MAGI2: variants seen among roughly 807,000 people sequenced by gnomAD.
MAGI2 encodes the protein membrane-associated guanylate kinase, WW and PDZ domain-containing protein 2.
A neutral mutation model predicts 133.3 loss-of-function variants in MAGI2; 35 were observed. The observed-to-expected ratio is 0.26, with a 90% CI of 0.20 to 0.35. The LOEUF (loss-of-function observed/expected upper bound fraction) is 0.35. Among genes scored for constraint, MAGI2 ranks in the 10% least tolerant of loss-of-function variants. MAGI2 has a pLI of 1.00. For synonymous variants in MAGI2, 729 were observed against 710.6 expected (o/e 1.03, Z -0.41); for missense variants, 1,636 against 1,863.4 (o/e 0.88, Z 2.25).
At chr7:78,875,039 A>G (rs5000370) in intron 2 of MAGI2, among the ~76,000 whole-genome samples, 82,234 of 151,782 alleles carry the variant, frequency 0.54, 24,084 homozygotes, top group Middle Eastern at 0.69. Context: ...GACAGAACAG[A>G]TAGAAATTAG....
intron 1 of MAGI2, among the ~76,000 whole-genome samples, chr7:79,361,615 T>C (rs1244244392): frequency 6.6e-6 from 1 of 152,202 alleles, no homozygotes; most frequent in Non-Finnish European, 1.5e-5. Flanking sequence ...GAGAATACTC[T>C]ATCCAACAAC....
At chr7:78,985,936 A>G (rs1011320530) in intron 2 of MAGI2, among the ~76,000 whole-genome samples, 1 of 152,114 alleles carries the variant, frequency 6.6e-6, no homozygotes, top group Admixed American at 6.6e-5. Context: ...ATATTCCTAT[A>G]GAAGATTCCA....
intron 6 of MAGI2, among the ~76,000 whole-genome samples, chr7:78,439,883 C>T (rs1354234355): frequency 6.6e-6 from 1 of 151,998 alleles, no homozygotes; most frequent in East Asian, 1.9e-4. Context: ...GCTGCTTGGT[C>T]CAGTAATGGG....
intron 1 of MAGI2, among the ~76,000 whole-genome samples, chr7:79,130,024 G>A (rs77307697): frequency 0.041 from 6,184 of 152,096 alleles, 439 homozygotes; most frequent in African/African-American, 0.14. Flanking sequence ...AAATGGGCTA[G>A]GCATGGTGGC....
intron 3 of MAGI2, among the ~76,000 whole-genome samples, chr7:78,547,163 C>T (rs1798915269): frequency 6.6e-6 from 1 of 152,226 alleles, no homozygotes; most frequent in African/African-American, 2.4e-5. Context: ...AAAAACAACA[C>T]CAAACTTCCA....
chr7:79,319,051 AT>A (rs1838970612), intron 1 of MAGI2, among the ~76,000 whole-genome samples: 1 of 152,160 alleles, frequency 6.6e-6, no homozygotes, highest in Non-Finnish European at 1.5e-5. Context: ...TTAAAGCGAG[AT>A]GTGAATCTAT....
intron 1 of MAGI2, among the ~76,000 whole-genome samples, chr7:79,326,034 G>A (rs1331984921): frequency 6.6e-6 from 1 of 152,048 alleles, no homozygotes; most frequent in Non-Finnish European, 1.5e-5. Flanking sequence ...CACCGAATAA[G>A]AAATTACCAA....
At chr7:79,165,305 A>T (rs78288694) in intron 1 of MAGI2, among the ~76,000 whole-genome samples, 1,708 of 151,950 alleles carry the variant, frequency 0.011, 27 homozygotes, top group African/African-American at 0.039. Context: ...TATGTGCTGT[A>T]CTAATAGAGA....
chr7:78,384,857 C>T (rs2012593), intron 6 of MAGI2, among the ~76,000 whole-genome samples: 39,444 of 152,040 alleles, frequency 0.26, 5,752 homozygotes, highest in Non-Finnish European at 0.34. Context: ...CTTAGACCAA[C>T]GGATCAGACT....
chr7:78,053,418 C>T lies in MAGI2; in HGVS notation c.3706+25529G>A, dbSNP rs543106350. 2.7e-4 allele frequency among the ~76,000 whole-genome samples: 41 copies of T among 152,292 alleles called. 1 individual carries two copies. In the South Asian group the frequency reaches 8.3e-3, roughly 31 times the overall value. ...TTCAGCGGGAGGGGCCGTTCTCTGTCCCTCCTTCCCCTCTCCTTGTCAGAT... is the reference window on the plus strand; with the variant it reads ...TTCAGCGGGAGGGGCCGTTCTCTGTTCCTCCTTCCCCTCTCCTTGTCAGAT... On this transcript the variant is annotated intron_variant, in intron 21 of 21. Transcript: ENST00000354212.
chr7:79,448,812 T>G (rs571300901), intron 1 of MAGI2, among the ~76,000 whole-genome samples: 24 of 152,106 alleles, frequency 1.6e-4, no homozygotes, highest in Non-Finnish European at 3.4e-4. Flanking sequence ...ATAATAAACA[T>G]GCCAAAAGAT....
At chr7:78,744,148 T>C (rs562616243) in intron 2 of MAGI2, among the ~76,000 whole-genome samples, 1 of 152,262 alleles carries the variant, frequency 6.6e-6, no homozygotes, top group South Asian at 2.1e-4. Flanking sequence ...AATAAAGATA[T>C]ATTTTCAAGA....
intron 4 of MAGI2, among the ~76,000 whole-genome samples, chr7:78,512,476 G>A (rs1345548299): frequency 6.6e-6 from 1 of 152,166 alleles, no homozygotes; most frequent in African/African-American, 2.4e-5. Flanking sequence ...TGCGATCTCA[G>A]CTCACTGCAA....
chr7:79,264,838 A>G (rs1285532209), intron 1 of MAGI2, among the ~76,000 whole-genome samples: 1 of 151,934 alleles, frequency 6.6e-6, no homozygotes, highest in African/African-American at 2.4e-5. Context: ...TCACATGGCA[A>G]GAGAGGAAAC....
chr7:79,167,891 G>T (rs1010343814), intron 1 of MAGI2, among the ~76,000 whole-genome samples: 25 of 152,218 alleles, frequency 1.6e-4, no homozygotes, highest in East Asian at 3.9e-4. Flanking sequence ...AAGGTTGTGG[G>T]TTTAACGGAA....
chr7:78,453,143 A>C (rs2151487887), intron 6 of MAGI2, among the ~76,000 whole-genome samples: 1 of 152,276 alleles, frequency 6.6e-6, no homozygotes, highest in African/African-American at 2.4e-5. Context: ...TGACTTTGCC[A>C]CATCCAGACC....
rs529658223 is a variant in MAGI2 at position 78,626,988 on chromosome 7, T to G, written c.538+132A>C. On this transcript the variant is annotated intron_variant, in intron 3 of 21. Coordinates refer to ENST00000354212, the MANE Select transcript of MAGI2 (RefSeq NM_012301.4). ...TGTATTTTAACTTTTTTAGGATACA[T>G]TTCTAAACTCATCTTATTAAAGCTC... 1.4e-4 allele frequency: 110 copies of G among 773,980 alleles called. 1 individual carries two copies. In the African/African-American group the frequency reaches 1.8e-3, roughly 13 times the overall value. The allele number at this position is 773,980 out of a possible 1,614,324, so 47.9% of individuals were successfully genotyped here.
chr7:79,171,765 TATATA>T (rs1468380535), intron 1 of MAGI2, among the ~76,000 whole-genome samples: 7 of 51,358 alleles, frequency 1.4e-4, no homozygotes, highest in African/African-American at 3.4e-4. Flanking sequence ...TATATATATA[TATATA>T]TTTTTTTTTT....
intron 9 of MAGI2, among the ~76,000 whole-genome samples, chr7:78,320,696 C>T (rs866373354): frequency 6.6e-6 from 1 of 152,086 alleles, no homozygotes; most frequent in African/African-American, 2.4e-5. Flanking sequence ...GGAAGTACTC[C>T]CTTGGAAAAC....
Sources: gnomAD v4.1 joint callset for allele counts (sites outside exome capture counted in the v4.1 genomes callset) on GRCh38, gnomAD v4.1.1 for gene constraint, MANE v1.5 for transcripts, NCBI Gene and HGNC (gene_info 2026-07-23, HGNC 2026-07-21) for gene names.